Variants in DLGAP2 observed in about 807,000 individuals in gnomAD.
DLGAP2 encodes DLG associated protein 2.
In DLGAP2, 26 loss-of-function variants were observed where a neutral mutation model predicts 100.3. The observed-to-expected ratio is 0.26, with a 90% CI of 0.19 to 0.36. DLGAP2 has a LOEUF of 0.36. Ranked by LOEUF, DLGAP2 falls within the 10% of genes least tolerant of loss-of-function variation. The probability of loss-of-function intolerance (pLI) is 1.00; values close to 1 mark genes in which losing one functional copy is unlikely to be tolerated. For missense variants in DLGAP2, 1,858 were observed against 1,453.2 expected (o/e 1.28, Z -4.53); for synonymous variants, 886 against 630.1 (o/e 1.41, Z -6.08).
At chr8:1,351,636 TGTGC>T (rs1452636532) in intron 3 of DLGAP2, among the ~76,000 whole-genome samples, 1 of 58,558 alleles carries the variant, frequency 1.7e-5, no homozygotes, top group African/African-American at 5.4e-5. Flanking sequence ...GGGTCCTGAG[TGTGC>T]GTGGAAAGGC....
intron 6 of DLGAP2, among the ~76,000 whole-genome samples, chr8:1,615,392 C>T (rs1011871268): frequency 6.6e-6 from 1 of 152,020 alleles, no homozygotes; most frequent in African/African-American, 2.4e-5. Flanking sequence ...TCCTTTATGC[C>T]GAAAAGAGGC....
At chr8:1,075,444 G>A (rs944470883) in intron 2 of DLGAP2, among the ~76,000 whole-genome samples, 3 of 152,132 alleles carry the variant, frequency 2.0e-5, no homozygotes, top group Non-Finnish European at 4.4e-5. Flanking sequence ...TTGTTTCTGT[G>A]GGTCTCTGGG....
intron 13 of DLGAP2, among the ~76,000 whole-genome samples, chr8:1,692,787 T>C (rs1295468381): frequency 3.3e-5 from 5 of 152,002 alleles, no homozygotes; most frequent in African/African-American, 1.2e-4. Flanking sequence ...TTAATACAGT[T>C]GACGTTAAAC....
intron 2 of DLGAP2, among the ~76,000 whole-genome samples, chr8:1,234,473 A>G (rs1301477251): frequency 6.6e-6 from 1 of 152,176 alleles, no homozygotes; most frequent in Non-Finnish European, 1.5e-5. Context: ...GTAATACTGA[A>G]TCAGGGCCTG....
chr8:1,446,812 C>G (rs536307197), intron 3 of DLGAP2, among the ~76,000 whole-genome samples: 1 of 152,252 alleles, frequency 6.6e-6, no homozygotes, highest in African/African-American at 2.4e-5. Flanking sequence ...ATTCACATCC[C>G]TTGTAAGTTG....
intron 1 of DLGAP2, among the ~76,000 whole-genome samples, chr8:865,861 C>T (rs532319777): frequency 3.9e-5 from 6 of 152,130 alleles, no homozygotes; most frequent in South Asian, 2.1e-4. Context: ...GTGTGGTCTG[C>T]GGCTCACAGC....
At chr8:1,193,589 C>T (rs960702265) in intron 2 of DLGAP2, among the ~76,000 whole-genome samples, 3 of 152,162 alleles carry the variant, frequency 2.0e-5, no homozygotes, top group African/African-American at 4.8e-5. Flanking sequence ...GCTGCTGTGT[C>T]CACACACCAC....
chr8:1,457,315 A>G (rs1798343362), intron 3 of DLGAP2, among the ~76,000 whole-genome samples: 2 of 152,334 alleles, frequency 1.3e-5, no homozygotes, highest in South Asian at 4.1e-4. Flanking sequence ...AAATGGTTGC[A>G]GAGAGAAAAC....
At chr8:1,218,165 C>T (rs1267622563) in intron 2 of DLGAP2, among the ~76,000 whole-genome samples, 1 of 152,182 alleles carries the variant, frequency 6.6e-6, no homozygotes, top group Admixed American at 6.5e-5. Flanking sequence ...TGTTTGCCAA[C>T]ACTATGTTCA....
chr8:1,455,848 A>G (rs868495295), intron 3 of DLGAP2, among the ~76,000 whole-genome samples: 1 of 151,732 alleles, frequency 6.6e-6, no homozygotes, highest in Non-Finnish European at 1.5e-5. Context: ...CAGACCACAG[A>G]CTCCAGGACG....
chr8:796,381 G>C (rs1796037730), intron 1 of DLGAP2, among the ~76,000 whole-genome samples: 1 of 152,054 alleles, frequency 6.6e-6, no homozygotes, highest in African/African-American at 2.4e-5. Context: ...ACTGACTTCT[G>C]CCTTTCACGG....
chr8:1,592,504 G>T (rs577645540), intron 6 of DLGAP2, among the ~76,000 whole-genome samples: 60 of 152,096 alleles, frequency 3.9e-4, no homozygotes, highest in African/African-American at 1.4e-3. Context: ...CTGGAAAGCG[G>T]TCCCCAAATC....
chr8:1,452,883 G>A (rs993660982), intron 3 of DLGAP2, among the ~76,000 whole-genome samples: 1 of 152,156 alleles, frequency 6.6e-6, no homozygotes, highest in Non-Finnish European at 1.5e-5. Context: ...TTTTGTAAAA[G>A]GGGGGTGGCC....
intron 2 of DLGAP2, among the ~76,000 whole-genome samples, chr8:1,240,603 G>T (rs540699702): frequency 6.8e-6 from 1 of 146,824 alleles, no homozygotes; most frequent in South Asian, 2.2e-4. Flanking sequence ...ACATGGTGCC[G>T]TGTCTAGTTC....
At chr8:1,346,531 A>G (rs1465654575) in intron 3 of DLGAP2, among the ~76,000 whole-genome samples, 1 of 151,456 alleles carries the variant, frequency 6.6e-6, no homozygotes, top group African/African-American at 2.4e-5. Flanking sequence ...GAGTTCCCAT[A>G]CAGAGCTGCA....
chr8:1,240,428 G>T (rs998644215), intron 2 of DLGAP2, among the ~76,000 whole-genome samples: 5 of 148,608 alleles, frequency 3.4e-5, no homozygotes, highest in African/African-American at 1.3e-4. Flanking sequence ...ATGGCACCGT[G>T]TCTAGTTCTG....
At chr8:1,242,600 G>A (rs4976863) in intron 2 of DLGAP2, among the ~76,000 whole-genome samples, 102,615 of 152,112 alleles carry the variant, frequency 0.67, 35,117 homozygotes, top group East Asian at 0.87. Flanking sequence ...AGCCCTCTGC[G>A]CCACTCCTCT....
intron 4 of DLGAP2, among the ~76,000 whole-genome samples, chr8:1,511,918 G>C (rs142642793): frequency 1.8e-4 from 28 of 152,360 alleles, no homozygotes; most frequent in African/African-American, 6.3e-4. Flanking sequence ...AGTCTTATCA[G>C]AGCCTGACAA....
At chr8:1,166,750 AATT>A in intron 2 of DLGAP2, among the ~76,000 whole-genome samples, 1 of 152,188 alleles carries the variant, frequency 6.6e-6, no homozygotes, top group East Asian at 1.9e-4. Flanking sequence ...TAAATTATAC[AATT>A]ATTATTTGTC....
Sources: allele counts gnomAD v4.1 joint callset (sites outside exome capture counted in the v4.1 genomes callset), GRCh38; gene constraint gnomAD v4.1.1; transcripts MANE v1.5; gene names NCBI Gene and HGNC (gene_info 2026-07-23, HGNC 2026-07-21).